ZDHHC2: variants seen among roughly 807,000 people sequenced by gnomAD.
The protein encoded by ZDHHC2 is palmitoyltransferase ZDHHC2.
ZDHHC2 carries 51 observed loss-of-function variants against 55.6 expected under a neutral mutation model. The observed-to-expected ratio is 0.92, with a 90% CI of 0.73 to 1.16. ZDHHC2 has a LOEUF of 1.16. Among genes scored for constraint, ZDHHC2 ranks in the 50% most tolerant of loss-of-function variants. ZDHHC2 has a pLI of 0.00. For missense variants in ZDHHC2, 491 were observed against 442.4 expected (o/e 1.11, Z -0.99); for synonymous variants, 199 against 152.9 (o/e 1.30, Z -2.22).
intron 1 of ZDHHC2, among the ~76,000 whole-genome samples, chr8:17,172,395 A>G (rs979800001): frequency 2.0e-5 from 3 of 152,196 alleles, no homozygotes; most frequent in African/African-American, 4.8e-5. Context: ...TAAAGGAAAG[A>G]GAGACCGTTT....
chr8:17,187,357 A>C (rs1326715372), intron 3 of ZDHHC2, among the ~76,000 whole-genome samples: 1 of 152,188 alleles, frequency 6.6e-6, no homozygotes, highest in Non-Finnish European at 1.5e-5. Flanking sequence ...TACATTGTTG[A>C]ATAAAAATAT....
intron 1 of ZDHHC2, among the ~76,000 whole-genome samples, chr8:17,166,677 A>T (rs1457019414): frequency 6.6e-6 from 1 of 152,194 alleles, no homozygotes; most frequent in Non-Finnish European, 1.5e-5. Context: ...CCAGCAAAGA[A>T]GACTGAGAAG....
chr8:17,202,213 A>C (rs1806821289), intron 6 of ZDHHC2, among the ~76,000 whole-genome samples: 1 of 152,194 alleles, frequency 6.6e-6, no homozygotes, highest in African/African-American at 2.4e-5. Flanking sequence ...CAGAAGTAGA[A>C]ATTGTTTGTC....
intron 6 of ZDHHC2, 93 bp from the exon 7 acceptor site, chr8:17,205,562 A>G: frequency 7.6e-7 from 1 of 1,323,574 alleles, no homozygotes. Context: ...CCAATAAATT[A>G]GAAGTGAGAG....
chr8:17,220,372 C>G lies in ZDHHC2; in HGVS notation c.*151C>G, dbSNP rs1156772130. 1 of 151,690 alleles carries G rather than the reference C, an allele frequency of 6.6e-6. No individual in the cohort carries two copies. The highest frequency in any genetic ancestry group is 1.5e-5 in the Non-Finnish European group (1 of 67,764). The allele number at this position is 151,690 out of a possible 1,614,324, so 9.4% of individuals were successfully genotyped here. On this transcript the variant is annotated 3_prime_UTR_variant, in exon 13 of 13. Coordinates refer to ENST00000262096, the MANE Select transcript of ZDHHC2 (RefSeq NM_016353.5). ...TATGAATTGATTAGTTCTCTCCAAG[C>G]CATTGCTTAAAATATAACATGTTTT...
intron 6 of ZDHHC2, among the ~76,000 whole-genome samples, chr8:17,203,432 A>G (rs1356509915): frequency 6.6e-6 from 1 of 151,896 alleles, no homozygotes; most frequent in East Asian, 1.9e-4. Flanking sequence ...GGTTTTCACC[A>G]AGACCATGCC....
chr8:17,172,169 C>A (rs1414235373), intron 1 of ZDHHC2, among the ~76,000 whole-genome samples: 2 of 152,144 alleles, frequency 1.3e-5, no homozygotes, highest in Admixed American at 6.5e-5. Flanking sequence ...AACTTTTTTG[C>A]CTACTTTACT....
intron 6 of ZDHHC2, among the ~76,000 whole-genome samples, chr8:17,199,982 C>G (rs1209543993): frequency 1.3e-5 from 2 of 152,054 alleles, no homozygotes; most frequent in East Asian, 1.9e-4. Context: ...GTCTCGAACT[C>G]TTGACCTTGT....
chr8:17,210,134 C>G (rs942933070), intron 9 of ZDHHC2, 76 bp downstream of exon 9: 2 of 1,467,924 alleles, frequency 1.4e-6, no homozygotes, highest in Non-Finnish European at 1.8e-6. Flanking sequence ...GGAAAAGCCT[C>G]TAGTTCCATA....
chr8:17,202,067 C>A (rs2959622), intron 6 of ZDHHC2, among the ~76,000 whole-genome samples: 97,280 of 152,024 alleles, frequency 0.64, 32,586 homozygotes, highest in Non-Finnish European at 0.76. Flanking sequence ...TTAATTACTT[C>A]ATATTAATAA....
intron 12 of ZDHHC2, among the ~76,000 whole-genome samples, chr8:17,218,812 T>G (rs1187536371): frequency 1.3e-5 from 2 of 152,186 alleles, no homozygotes; most frequent in Non-Finnish European, 2.9e-5. Flanking sequence ...ATGTTTTGTT[T>G]TCTTAAACTT....
chr8:17,187,312 C>T (rs1481570518), intron 3 of ZDHHC2, among the ~76,000 whole-genome samples: 1 of 152,064 alleles, frequency 6.6e-6, no homozygotes, highest in Non-Finnish European at 1.5e-5. Flanking sequence ...AGAATTGTGT[C>T]TCACTCATTT....
rs1554466016 is a variant in ZDHHC2, at chr8:17,199,509, T to TTCG, written c.476+1098_476+1099insGTC. 9.7e-4 allele frequency among the ~76,000 whole-genome samples: 118 copies of TTCG among 121,158 alleles called. 2 individuals are homozygous for TTCG. The highest frequency in any genetic ancestry group is 2.6e-3 in the African/African-American group (70 of 27,294). 79.5% of individuals were successfully genotyped at this position (121,158 alleles called of 152,430 possible). On this transcript the variant is annotated intron_variant, in intron 6 of 12. Transcript: ENST00000262096. ...CTTCTTCTTCTTCTTCTTCTTCTTC[T>TTCG]TCTTCGTCTTCGTCTTCGTCTTCTG... is the stretch of plus-strand genomic sequence containing the variant.
intron 1 of ZDHHC2, among the ~76,000 whole-genome samples, chr8:17,168,266 A>G (rs985644507): frequency 2.0e-5 from 3 of 152,190 alleles, no homozygotes; most frequent in African/African-American, 7.2e-5. Flanking sequence ...GCCGCTTAGC[A>G]TGCGGAAATG....
intron 10 of ZDHHC2, among the ~76,000 whole-genome samples, chr8:17,213,663 A>G (rs535549147): frequency 5.3e-5 from 8 of 152,276 alleles, no homozygotes; most frequent in African/African-American, 1.4e-4. Context: ...ATAAGAACAA[A>G]GACTTTGTTT....
chr8:17,179,250 G>T (rs975761352), intron 1 of ZDHHC2, among the ~76,000 whole-genome samples: 10 of 152,116 alleles, frequency 6.6e-5, no homozygotes, highest in Admixed American at 3.3e-4. Flanking sequence ...ACTGTGCCTG[G>T]TTGTCCTGTC....
chr8:17,196,561 T>C (rs1175783535), intron 4 of ZDHHC2, among the ~76,000 whole-genome samples: 1 of 141,940 alleles, frequency 7.0e-6, no homozygotes, highest in Non-Finnish European at 1.5e-5. Context: ...CTCTAAAAAA[T>C]AAAATAAATA....
chr8:17,205,554 A>C, intron 6 of ZDHHC2, 101 bp from the exon 7 acceptor site: 4 of 1,287,704 alleles, frequency 3.1e-6, no homozygotes, highest in Non-Finnish European at 3.1e-6. Flanking sequence ...AAGAAATGCC[A>C]ATAAATTAGA....
intron 10 of ZDHHC2, 126 bp downstream of exon 10, chr8:17,210,606 TG>T (rs1194170963): frequency 4.2e-6 from 3 of 715,924 alleles, no homozygotes; most frequent in Non-Finnish European, 2.2e-6. Context: ...GGTTTCCACT[TG>T]AAATGAGGGA....
Sources: allele counts gnomAD v4.1 joint callset (sites outside exome capture counted in the v4.1 genomes callset), GRCh38; gene constraint gnomAD v4.1.1; transcripts MANE v1.5; gene names NCBI Gene and HGNC (gene_info 2026-07-23, HGNC 2026-07-21).